MORN1: variants seen among roughly 807,000 people sequenced by gnomAD.
MORN1 encodes MORN repeat-containing protein 1.
Under a neutral mutation model 61.9 loss-of-function variants are expected in MORN1, and 67 were observed. The observed-to-expected ratio is 1.08, with a 90% CI of 0.89 to 1.33. MORN1 has a LOEUF of 1.33. Ranked by LOEUF, MORN1 falls within the 40% of genes most tolerant of loss-of-function variation. MORN1 has a pLI of 0.00. For synonymous variants in MORN1, 301 were observed against 292.0 expected, an observed-to-expected ratio of 1.03 and a Z score of -0.31; for missense variants, 752 against 691.2, an observed-to-expected ratio of 1.09 and a Z score of -0.99.
At chr1:2,324,012 C>T (rs928185232) in intron 13 of MORN1, 85 bp downstream of exon 13, 4 of 1,493,566 alleles carry the variant, frequency 2.7e-6, no homozygotes, top group Non-Finnish European at 8.9e-7. Flanking sequence ...CGAGTTCCCC[C>T]AACCCCACCT....
intron 10 of MORN1, among the ~76,000 whole-genome samples, chr1:2,343,415 C>T (rs940281743): frequency 1.4e-4 from 21 of 152,202 alleles, no homozygotes; most frequent in African/African-American, 2.7e-4. Context: ...CCAGCCCTGC[C>T]GGGGCCAGGC....
intron 12 of MORN1, among the ~76,000 whole-genome samples, chr1:2,325,220 CTT>C (rs1640998283): frequency 9.1e-6 from 1 of 109,732 alleles, no homozygotes; most frequent in Non-Finnish European, 1.9e-5. Flanking sequence ...TTCTTCTTTT[CTT>C]TCTCTCTTGT....
At chr1:2,366,637 C>T (rs1015654414) in intron 8 of MORN1, among the ~76,000 whole-genome samples, 1 of 152,134 alleles carries the variant, frequency 6.6e-6, no homozygotes, top group Admixed American at 6.5e-5. Context: ...AATTCTCCTG[C>T]CTCAGCCTCC....
At chr1:2,359,729 A>G (rs1226823307) in intron 8 of MORN1, among the ~76,000 whole-genome samples, 1 of 152,134 alleles carries the variant, frequency 6.6e-6, no homozygotes, top group Non-Finnish European at 1.5e-5. Context: ...TAAAAATACA[A>G]AAAGTAGTCA....
At chr1:2,323,771 C>T in intron 13 of MORN1, 1 of 985,360 alleles carries the variant, frequency 1.0e-6, no homozygotes, top group Non-Finnish European at 1.2e-6. Flanking sequence ...GACAGCTCCC[C>T]TCGGCTCCCC....
intron 12 of MORN1, among the ~76,000 whole-genome samples, chr1:2,327,876 T>C (rs1171420665): frequency 6.6e-6 from 1 of 152,204 alleles, no homozygotes; most frequent in Non-Finnish European, 1.5e-5. Flanking sequence ...GCATCGCGCC[T>C]CGGCGTCCCC....
chr1:2,338,421 G>A (rs1641326539), intron 10 of MORN1, among the ~76,000 whole-genome samples: 2 of 152,258 alleles, frequency 1.3e-5, no homozygotes, highest in South Asian at 4.1e-4. Context: ...TTAACGCACC[G>A]ATGGTTTCCA....
chr1:2,385,690 CG>C, intron 5 of MORN1, 116 bp downstream of exon 5: 3 of 896,344 alleles, frequency 3.3e-6, no homozygotes. Context: ...CAGCAGGGGC[CG>C]GAACAGGCCC....
At chr1:2,322,151 A>G (rs1460577405) in intron 13 of MORN1, 1 of 985,404 alleles carries the variant, frequency 1.0e-6, no homozygotes, top group Non-Finnish European at 1.2e-6. Context: ...CAGAGAAGGA[A>G]AAGTACTTTT....
chr1:2,389,561 C>G (rs1570060383), intron 2 of MORN1, among the ~76,000 whole-genome samples: 1 of 152,254 alleles, frequency 6.6e-6, no homozygotes, highest in East Asian at 1.9e-4. Context: ...AGCCACTGCG[C>G]TTGGCTTGAC....
chr1:2,324,730 C>A (rs569655135), intron 12 of MORN1, among the ~76,000 whole-genome samples: 14 of 152,276 alleles, frequency 9.2e-5, no homozygotes, highest in African/African-American at 3.4e-4. Context: ...ACACTCACTG[C>A]CCTGGCTCCC....
chr1:2,361,284 C>T (rs1438220090), intron 8 of MORN1, among the ~76,000 whole-genome samples: 1 of 151,678 alleles, frequency 6.6e-6, no homozygotes, highest in Non-Finnish European at 1.5e-5. Flanking sequence ...GAGCCGGGCG[C>T]AGTGACTCAC....
chr1:2,373,844 C>T (rs1426089123), intron 7 of MORN1, among the ~76,000 whole-genome samples: 2 of 152,234 alleles, frequency 1.3e-5, no homozygotes, highest in Admixed American at 1.3e-4. Context: ...AGGTCTTGGT[C>T]CCCCAAGGTC....
At chr1:2,388,070 T>C (rs2100378163) in intron 3 of MORN1, 169 bp downstream of exon 3, 2 of 577,842 alleles carry the variant, frequency 3.5e-6, no homozygotes, top group South Asian at 2.2e-5. Flanking sequence ...CTCTCAGCGG[T>C]GACCACAGAG....
intron 10 of MORN1, among the ~76,000 whole-genome samples, chr1:2,354,645 C>T (rs11576390): frequency 0.14 from 21,144 of 152,236 alleles, 1,813 homozygotes; most frequent in Middle Eastern, 0.23. Flanking sequence ...CCCCAGGCCA[C>T]GCTCCTCTCC....
In MORN1 at chr1:2,334,514, A is replaced by G. The variant is rs1192293433; in HGVS notation, c.1250+1955T>C. On this transcript the variant is annotated intron_variant, in intron 12 of 13. Transcript: ENST00000378531. The surrounding 1 kb of genome is among the most constrained non-coding windows in gnomAD (Gnocchi z 5.4). ...AGACGTAGTAAGGCCAGCTGCATGGAGAGGCGGGGCTCCCTTGGGGGAGCA... is the reference window on the plus strand; with the variant it reads ...AGACGTAGTAAGGCCAGCTGCATGGGGAGGCGGGGCTCCCTTGGGGGAGCA... Among the ~76,000 whole-genome samples the G allele has an allele frequency of 6.6e-6, 1 of 152,054 alleles. No homozygotes were observed. Among genetic ancestry groups the G allele is most frequent in the Admixed American group, 6.5e-5 (1 of 15,284 alleles).
chr1:2,336,277 C>T (rs911038320), intron 12 of MORN1, among the ~76,000 whole-genome samples, 192 bp downstream of exon 12: 5 of 152,216 alleles, frequency 3.3e-5, no homozygotes, highest in South Asian at 4.1e-4. Context: ...CCAGGCAAGT[C>T]GCAGGGCAGC....
chr1:2,336,593 G>A, intron 11 of MORN1, 45 bp from the exon 12 acceptor site: 3 of 1,607,926 alleles, frequency 1.9e-6, no homozygotes, highest in South Asian at 1.1e-5. Context: ...AGGCTCAGAA[G>A]GTGGGCCTAG....
intron 12 of MORN1, among the ~76,000 whole-genome samples, chr1:2,325,058 G>A (rs553449795): frequency 2.0e-4 from 29 of 145,284 alleles, no homozygotes; most frequent in African/African-American, 7.0e-4. Context: ...TCCCCGGGCA[G>A]TGAGATGCAC....
Sources: allele counts gnomAD v4.1 joint callset (sites outside exome capture counted in the v4.1 genomes callset), GRCh38; gene constraint gnomAD v4.1.1; non-coding constraint Gnocchi (gnomAD v3.1); transcripts MANE v1.5; gene names NCBI Gene and HGNC (gene_info 2026-07-23, HGNC 2026-07-21).